Variants in AUTS2 observed in about 807,000 individuals in gnomAD.
The protein encoded by AUTS2 is activator of transcription and developmental regulator AUTS2, also known as autism susceptibility gene 2 protein.
AUTS2 carries 17 observed loss-of-function variants against 112.4 expected under a neutral mutation model. That is an observed-to-expected ratio of 0.15 (90% CI 0.10 to 0.23). The LOEUF (loss-of-function observed/expected upper bound fraction) is 0.23. Among genes scored for constraint, AUTS2 ranks in the 10% least tolerant of loss-of-function variants. The probability of loss-of-function intolerance (pLI) is 1.00; values close to 1 mark genes in which losing one functional copy is unlikely to be tolerated. For missense variants in AUTS2, 1,510 were observed against 1,701.6 expected (o/e 0.89, Z 1.98); for synonymous variants, 751 against 702.7 (o/e 1.07, Z -1.09).
Position 70,790,524 on chromosome 7 carries a change from G to A in AUTS2, c.3308G>A (p.Arg1103Gln), listed in dbSNP as rs759524736. 2.5e-6 allele frequency: 4 copies of A among 1,609,376 alleles called. No homozygotes were observed. Among genetic ancestry groups the A allele is most frequent in the Admixed American group, 1.7e-5 (1 of 59,532 alleles). ...CTGCTAAGGAACGACCCGCTCCACCGGCTCTCGACTCCCCGGCTGTACGAA... is the reference window on the plus strand; with the variant it reads ...CTGCTAAGGAACGACCCGCTCCACCAGCTCTCGACTCCCCGGCTGTACGAA... Reference protein sequence around the residue: ...DFLLRNDPLHRLSTPRLYEAD... With the variant: ...DFLLRNDPLHQLSTPRLYEAD... Residue 1103 changes from arginine to glutamine, a missense_variant, in exon 19 of 19, where the codon CGG becomes CAG. By Grantham distance (43) the Arg-to-Gln change is conservative (BLOSUM62 1). Around this residue, in one of 3 missense-constraint regions of AUTS2, gnomAD observed 788 missense variants for 797.6 expected, o/e 0.99. Coordinates refer to ENST00000342771, the MANE Select transcript of AUTS2 (RefSeq NM_015570.4). This position sits in a 1 kb window ranked among gnomAD's most constrained non-coding sequence, Gnocchi z 7.6.
At chr7:70,211,215 T>C (rs1810866094) in intron 4 of AUTS2, among the ~76,000 whole-genome samples, 1 of 152,162 alleles carries the variant, frequency 6.6e-6, no homozygotes, top group Admixed American at 6.5e-5. Flanking sequence ...AAATCCTATG[T>C]ATTTCCCCTT....
rs542790085 is a variant in AUTS2 at position 70,344,786 on chromosome 7, A to G, written c.661-90966A>G. Among the ~76,000 whole-genome samples, 9 of 152,304 alleles carry G rather than the reference A, an allele frequency of 5.9e-5. No individual in the cohort carries two copies. In the South Asian group the frequency reaches 1.9e-3, roughly 32 times the overall value. On this transcript the variant is annotated intron_variant, in intron 4 of 18. Transcript: ENST00000342771. Reference sequence around the variant, plus strand: ...TTTTCCATTTGACAAGTTTAGAATTACCAATACTGCTTGCAACTCCTTCCT... The same window carrying G: ...TTTTCCATTTGACAAGTTTAGAATTGCCAATACTGCTTGCAACTCCTTCCT...
intron 2 of AUTS2, among the ~76,000 whole-genome samples, chr7:70,094,404 T>C (rs1439040208): frequency 1.3e-5 from 2 of 152,238 alleles, no homozygotes; most frequent in Non-Finnish European, 2.9e-5. Context: ...CAGTTTCCCC[T>C]TGGGCTTGTA....
intron 6 of AUTS2, among the ~76,000 whole-genome samples, chr7:70,726,258 A>G (rs73165396): frequency 0.063 from 9,610 of 152,070 alleles, 348 homozygotes; most frequent in Non-Finnish European, 0.089. Flanking sequence ...TTTATTAGAA[A>G]TCTTTATTTA....
intron 2 of AUTS2, among the ~76,000 whole-genome samples, chr7:70,033,116 A>G (rs1800853935): frequency 1.3e-5 from 2 of 152,154 alleles, no homozygotes; most frequent in Admixed American, 1.3e-4. Flanking sequence ...AGATTGTGGT[A>G]ATAGTTGCAC....
chr7:69,899,379 T>C lies in AUTS2; in HGVS notation c.403T>C (p.Phe135Leu). Residue 135 changes from phenylalanine to leucine, a missense_variant, in exon 2 of 19, where the codon TTT (phenylalanine) becomes CTT (leucine). Phe to Leu is a conservative substitution (Grantham distance 22). Around this residue, in one of 3 missense-constraint regions of AUTS2, gnomAD observed 535 missense variants for 594.3 expected, o/e 0.90. Coordinates refer to ENST00000342771, the MANE Select transcript of AUTS2 (RefSeq NM_015570.4). ...AGAAGCACTTACCAATGGCTTGTCCTTTCATTCAAAGAAGAGCAGACTCAG... is the reference window on the plus strand; with the variant it reads ...AGAAGCACTTACCAATGGCTTGTCCCTTCATTCAAAGAAGAGCAGACTCAG... ...KREALTNGLS[F>L]HSKKSRLSHP... is the part of the protein sequence containing the mutation. 6.2e-7 allele frequency: 1 copy of C among 1,614,056 alleles called. No homozygotes were observed. Among genetic ancestry groups the C allele is most frequent in the South Asian group, 1.1e-5 (1 of 91,080 alleles).
intron 16 of AUTS2, chr7:70,785,572 C>T (rs1001668352): frequency 4.4e-6 from 2 of 453,026 alleles, no homozygotes; most frequent in Non-Finnish European, 8.8e-6. Context: ...ATCATAGGCA[C>T]GCCCTCAGAG....
intron 1 of AUTS2, among the ~76,000 whole-genome samples, chr7:69,789,622 C>G (rs1789529565): frequency 6.6e-6 from 1 of 152,160 alleles, no homozygotes; most frequent in South Asian, 2.1e-4. Context: ...TCAACATTAG[C>G]AGACCTCATT....
chr7:70,024,850 A>G (rs1485437157), intron 2 of AUTS2, among the ~76,000 whole-genome samples: 1 of 152,230 alleles, frequency 6.6e-6, no homozygotes, highest in Admixed American at 6.5e-5. Context: ...CCCACATTAT[A>G]GAGGATAACC....
At chr7:69,991,713 A>G (rs1432707724) in intron 2 of AUTS2, among the ~76,000 whole-genome samples, 1 of 152,182 alleles carries the variant, frequency 6.6e-6, no homozygotes, top group African/African-American at 2.4e-5. Context: ...TTGAAAGTTG[A>G]AAGTTTTGTT....
chr7:69,803,865 A>G (rs1247358696), intron 1 of AUTS2, among the ~76,000 whole-genome samples: 2 of 152,174 alleles, frequency 1.3e-5, no homozygotes, highest in Non-Finnish European at 2.9e-5. Flanking sequence ...CACTGTCTCT[A>G]CAAAATAAAC....
chr7:70,233,421 T>C (rs1475855009), intron 4 of AUTS2, among the ~76,000 whole-genome samples: 1 of 152,188 alleles, frequency 6.6e-6, no homozygotes, highest in Non-Finnish European at 1.5e-5. Context: ...GTTTTTCTTT[T>C]CAAACATTGT....
intron 4 of AUTS2, among the ~76,000 whole-genome samples, chr7:70,326,174 C>A (rs1790476460): frequency 6.6e-6 from 1 of 152,054 alleles, no homozygotes; most frequent in Non-Finnish European, 1.5e-5. Context: ...TATGCTCTTC[C>A]AAGGCTTTCC....
chr7:69,978,263 C>G (rs993258327), intron 2 of AUTS2, among the ~76,000 whole-genome samples: 5 of 152,202 alleles, frequency 3.3e-5, no homozygotes, highest in Non-Finnish European at 5.9e-5. Flanking sequence ...CCCTTTATTG[C>G]AATTCCATCA....
intron 4 of AUTS2, among the ~76,000 whole-genome samples, chr7:70,275,801 G>A (rs899412079): frequency 6.6e-6 from 1 of 152,102 alleles, no homozygotes; most frequent in Non-Finnish European, 1.5e-5. Flanking sequence ...CTGCCACCTT[G>A]TAAAAAAGGA....
intron 2 of AUTS2, among the ~76,000 whole-genome samples, chr7:69,909,095 A>G (rs573601754): frequency 6.6e-6 from 1 of 152,332 alleles, no homozygotes; most frequent in African/African-American, 2.4e-5. Context: ...TTGTTAGCAA[A>G]ACTTGGGAAG....
At chr7:70,234,247 A>AT (rs1294664885) in intron 4 of AUTS2, among the ~76,000 whole-genome samples, 16 of 152,176 alleles carry the variant, frequency 1.1e-4, no homozygotes, top group Non-Finnish European at 2.2e-4. Context: ...CCCAGTATGG[A>AT]TACTAAATGG....
intron 1 of AUTS2, among the ~76,000 whole-genome samples, chr7:69,839,205 C>T (rs1791861460): frequency 6.6e-6 from 1 of 152,152 alleles, no homozygotes; most frequent in African/African-American, 2.4e-5. Flanking sequence ...CAGTGAATTG[C>T]TAACTTTTCA....
At chr7:70,288,603 T>A (rs552840653) in intron 4 of AUTS2, among the ~76,000 whole-genome samples, 1 of 152,066 alleles carries the variant, frequency 6.6e-6, no homozygotes, top group Non-Finnish European at 1.5e-5. Context: ...TATTAGGTGC[T>A]CTTAAGTAAG....
Sources: gnomAD v4.1 joint callset for allele counts (sites outside exome capture counted in the v4.1 genomes callset) on GRCh38, gnomAD v4.1.1 for gene constraint, gnomAD v4.1.1 regional missense constraint, Gnocchi (gnomAD v3.1) non-coding constraint, MANE v1.5 for transcripts, NCBI Gene and HGNC (gene_info 2026-07-23, HGNC 2026-07-21) for gene names.